Variants in UPB1 observed in about 807,000 individuals in gnomAD.
UPB1 encodes beta-ureidopropionase.
In UPB1, 40 loss-of-function variants were observed where a neutral mutation model predicts 49.1. The observed-to-expected ratio is 0.81, with a 90% confidence interval of 0.63 to 1.06. UPB1 has a LOEUF of 1.06. Among genes scored for constraint, UPB1 ranks in the 50% least tolerant of loss-of-function variants. The pLI is 0.00. For missense variants in UPB1, 499 were observed against 505.9 expected, an observed-to-expected ratio of 0.99 and a Z score of 0.13; for synonymous variants, 207 against 198.2, an observed-to-expected ratio of 1.04 and a Z score of -0.38.
At chr22:24,512,822 A>T (rs1417273328) in intron 4 of UPB1, among the ~76,000 whole-genome samples, 1 of 152,202 alleles carries the variant, frequency 6.6e-6, no homozygotes, top group Admixed American at 6.5e-5. Context: ...TTCATTTAGC[A>T]TAGTATCATC....
rs202081655 is a variant in UPB1 at position 24,509,361 on chromosome 22, G to GAAAAAAAAAAAAA, written c.365-1365_365-1353dup. Among the ~76,000 whole-genome samples, 45 of 92,148 alleles carry GAAAAAAAAAAAAA rather than the reference G, an allele frequency of 4.9e-4. 1 individual carries two copies. Among genetic ancestry groups the GAAAAAAAAAAAAA allele is most frequent in the East Asian group, 1.6e-3 (5 of 3,036 alleles). The allele number at this position is 92,148 out of a possible 152,430, so 60.5% of individuals were successfully genotyped here. On this transcript the variant is annotated intron_variant, in intron 3 of 9. Transcript: ENST00000326010. ...ATCTGTGTGTATGTACCTACTGTTT[G>GAAAAAAAAAAAAA]AAAAAAAAAAAAAAAAAAAAAAAAA...
intron 4 of UPB1, among the ~76,000 whole-genome samples, chr22:24,512,261 G>A (rs959221726): frequency 1.9e-4 from 29 of 152,220 alleles, no homozygotes; most frequent in Non-Finnish European, 4.1e-4. Context: ...GAGTGTGAAA[G>A]AGAGCTGGTG....
chr22:24,499,315 C>T (rs1413013215), intron 1 of UPB1, among the ~76,000 whole-genome samples: 1 of 152,156 alleles, frequency 6.6e-6, no homozygotes. Context: ...AATCATCTTG[C>T]GCTTAGATGG....
chr22:24,526,032 T>G lies in UPB1; in HGVS notation c.*238T>G. The G allele has an allele frequency of 1.8e-6, 1 of 552,914 alleles. No homozygotes were observed. Among genetic ancestry groups the G allele is most frequent in the East Asian group, 3.2e-5 (1 of 31,396 alleles). 34.3% of individuals were successfully genotyped at this position (552,914 alleles called of 1,614,324 possible). A position where few individuals can be genotyped will look rare whatever the true frequency, so the allele number is the denominator to read the frequency against. ...TAGAGGTGAATGTACTAAATGCCAC[T>G]GAATTTGTATACTTCAGAATGTTTG... is the stretch of plus-strand genomic sequence containing the variant. On this transcript the variant is annotated 3_prime_UTR_variant, in exon 10 of 10. Transcript: ENST00000326010.
At chr22:24,510,516 G>T (rs1260443652) in intron 3 of UPB1, among the ~76,000 whole-genome samples, 1 of 152,124 alleles carries the variant, frequency 6.6e-6, no homozygotes, top group Non-Finnish European at 1.5e-5. Context: ...ATCTGTTCAA[G>T]TCCCTGCTGC....
intron 3 of UPB1, 142 bp downstream of exon 3, chr22:24,502,355 A>G (rs2044008557): frequency 2.2e-6 from 2 of 921,880 alleles, no homozygotes; most frequent in Non-Finnish European, 3.7e-6. Flanking sequence ...CCACATCACC[A>G]GGAACCCCGG....
chr22:24,500,316 G>T (rs769464782), intron 2 of UPB1, 38 bp downstream of exon 2: 2 of 1,612,080 alleles, frequency 1.2e-6, no homozygotes, highest in Non-Finnish European at 1.7e-6. Flanking sequence ...ACACAAACAG[G>T]GTTGTGGCCT....
chr22:24,515,010 G>C (rs530398838), intron 5 of UPB1, among the ~76,000 whole-genome samples, 191 bp from the exon 6 acceptor site: 5 of 152,104 alleles, frequency 3.3e-5, no homozygotes, highest in African/African-American at 1.2e-4. Context: ...GATTTCCCCC[G>C]GGGGCTGGCT....
At chr22:24,503,561 C>G (rs1275818829) in intron 3 of UPB1, 1 of 152,222 alleles carries the variant, frequency 6.6e-6, no homozygotes, top group East Asian at 1.9e-4. Context: ...CAGATCTACA[C>G]CACACCGAGA....
intron 9 of UPB1, 87 bp from the exon 10 acceptor site, chr22:24,525,624 C>A: frequency 6.6e-7 from 1 of 1,510,036 alleles, no homozygotes; most frequent in Non-Finnish European, 9.2e-7. Flanking sequence ...CCCATGACTG[C>A]CCTCCAGTGG....
rs202081655 is a variant in UPB1 at position 24,509,361 on chromosome 22, GAAAAAAAAA to G, written c.365-1361_365-1353del. On this transcript the variant is annotated intron_variant, in intron 3 of 9. Transcript: ENST00000326010. ...ATCTGTGTGTATGTACCTACTGTTT[GAAAAAAAAA>G]AAAAAAAAAAAAAAAAAAAAAAAAA... is the stretch of plus-strand genomic sequence containing the variant. Among the ~76,000 whole-genome samples the G allele has an allele frequency of 6.7e-3, 617 of 91,934 alleles. 2 individuals carry two copies. Among genetic ancestry groups the G allele is most frequent in the Non-Finnish European group, 8.6e-3 (425 of 49,634 alleles). The allele number at this position is 91,934 out of a possible 152,430, so 60.3% of individuals were successfully genotyped here. A position where few individuals can be genotyped will look rare whatever the true frequency, so the allele number is the denominator to read the frequency against.
chr22:24,512,696 C>T (rs927656526), intron 4 of UPB1, among the ~76,000 whole-genome samples: 2 of 152,114 alleles, frequency 1.3e-5, no homozygotes, highest in African/African-American at 4.8e-5. Flanking sequence ...ATTCCCCCAG[C>T]CCCTGGCAAC....
chr22:24,498,736 C>G (rs1004320113), intron 1 of UPB1, among the ~76,000 whole-genome samples: 1 of 152,174 alleles, frequency 6.6e-6, no homozygotes, highest in African/African-American at 2.4e-5. Flanking sequence ...ACACCCAAGA[C>G]GAGCTCTTCA....
chr22:24,507,050 G>A lies in UPB1; in HGVS notation c.365-3699G>A, dbSNP rs148624044. 3.7e-4 allele frequency among the ~76,000 whole-genome samples: 57 copies of A among 152,298 alleles called. No individual in the cohort carries two copies. The East Asian group carries it at 0.01, about 28-fold the overall frequency. On this transcript the variant is annotated intron_variant, in intron 3 of 9. Transcript: ENST00000326010. ...TGGAACCTCGTCCCCTCTAGTTGAA[G>A]AACTGTAGTTGGGACTTTGCAGCCA... is the stretch of plus-strand genomic sequence containing the variant.
chr22:24,502,936 C>G lies in UPB1; in HGVS notation c.364+723C>G, dbSNP rs62231892. 478 of 181,306 alleles carry G rather than the reference C, an allele frequency of 2.6e-3. 4 individuals are homozygous for G. The highest frequency in any genetic ancestry group is 4.1e-3 in the Non-Finnish European group (346 of 84,676). The allele number at this position is 181,306 out of a possible 1,614,324, so 11.2% of individuals were successfully genotyped here. A position where few individuals can be genotyped will look rare whatever the true frequency, so the allele number is the denominator to read the frequency against. On this transcript the variant is annotated intron_variant, in intron 3 of 9. Coordinates refer to ENST00000326010, the MANE Select transcript of UPB1 (RefSeq NM_016327.3). The stretch of plus-strand genomic sequence containing the variant: ...TAAGACAAGGACTTACTCTGTCACC[C>G]AGGCTTAGAGTACAATCACAGCTCA...
chr22:24,515,080 C>A, intron 5 of UPB1, 121 bp from the exon 6 acceptor site: 1 of 1,296,846 alleles, frequency 7.7e-7, no homozygotes, highest in Non-Finnish European at 1.1e-6. Flanking sequence ...AATTCTGGAA[C>A]TTAGAGTCAC....
At chr22:24,519,391 G>A (rs956628744) in intron 6 of UPB1, among the ~76,000 whole-genome samples, 1 of 152,172 alleles carries the variant, frequency 6.6e-6, no homozygotes, top group Non-Finnish European at 1.5e-5. Context: ...TCAATCCACA[G>A]TCTTAAAGAT....
At chr22:24,507,514 C>T (rs570968333) in intron 3 of UPB1, among the ~76,000 whole-genome samples, 10 of 152,210 alleles carry the variant, frequency 6.6e-5, no homozygotes, top group East Asian at 5.8e-4. Flanking sequence ...ATGTTGGAGA[C>T]GATCTGCCTA....
rs141061468 is a variant in UPB1, at chr22:24,497,227, G to A, written c.104+1720G>A. Among the ~76,000 whole-genome samples, 753 of 152,286 alleles carry A rather than the reference G, an allele frequency of 4.9e-3. 2 individuals carry two copies. The highest frequency in any genetic ancestry group is 0.011 in the South Asian group (53 of 4,828). The stretch of plus-strand genomic sequence containing the variant: ...ACCATTGTATTTGTAATGCATACAC[G>A]TAGGAAAATAGGAAAGAGACATAAA... On this transcript the variant is annotated intron_variant, in intron 1 of 9. Coordinates refer to ENST00000326010, the MANE Select transcript of UPB1 (RefSeq NM_016327.3).
Sources: gnomAD v4.1 joint callset for allele counts (sites outside exome capture counted in the v4.1 genomes callset) on GRCh38, gnomAD v4.1.1 for gene constraint, MANE v1.5 for transcripts, NCBI Gene and HGNC (gene_info 2026-07-23, HGNC 2026-07-21) for gene names.